The following EMID1 variants were observed in gnomAD, a reference collection of about 807,000 sequenced individuals.
The protein encoded by EMID1 is EMI domain containing 1, also known as EMI domain-containing protein 1.
In EMID1, 40 loss-of-function variants were observed where a neutral mutation model predicts 60.6. The observed-to-expected ratio is 0.66, with a 90% CI of 0.51 to 0.86. The LOEUF is 0.86. EMID1 is among the 40% of genes least tolerant of loss of function. The pLI is 0.00. For synonymous variants in EMID1, 242 were observed against 231.0 expected (o/e 1.05, Z -0.43); for missense variants, 585 against 597.1 (o/e 0.98, Z 0.21).
At chr22:29,229,442 G>A (rs992429354) in intron 5 of EMID1, among the ~76,000 whole-genome samples, 1 of 152,078 alleles carries the variant, frequency 6.6e-6, no homozygotes, top group African/African-American at 2.4e-5. Flanking sequence ...TCAGGAGTTC[G>A]AGACCAGCCT....
chr22:29,209,440 G>C (rs1330977706), intron 1 of EMID1, among the ~76,000 whole-genome samples: 1 of 152,164 alleles, frequency 6.6e-6, no homozygotes, highest in African/African-American at 2.4e-5. Context: ...CCACACCCCA[G>C]GGAAGGAAGC....
At chr22:29,231,886 A>C in intron 7 of EMID1, 1 of 566,758 alleles carries the variant, frequency 1.8e-6, no homozygotes, top group East Asian at 3.0e-5. Flanking sequence ...TTCCCTGGGC[A>C]CCTACACTTA....
chr22:29,256,809 C>A lies in EMID1; in HGVS notation c.1205-2008C>A, dbSNP rs112769598. Among the ~76,000 whole-genome samples the A allele has an allele frequency of 2.4e-3, 363 of 152,224 alleles. 1 individual carries two copies. Among genetic ancestry groups the A allele is most frequent in the African/African-American group, 8.3e-3 (345 of 41,536 alleles). On this transcript the variant is annotated intron_variant, in intron 14 of 14. Transcript: ENST00000334018. Reference sequence around the variant, plus strand: ...GAGTGTGCCAGGTGGGGAAGTGGGTCGGGCAGCCTTGAGAGAGTCCTGCCT... The same window carrying A: ...GAGTGTGCCAGGTGGGGAAGTGGGTAGGGCAGCCTTGAGAGAGTCCTGCCT...
intron 8 of EMID1, chr22:29,233,126 TGAAAAGTA>T (rs2040815872): frequency 1.8e-6 from 1 of 549,292 alleles, no homozygotes; most frequent in Non-Finnish European, 3.3e-6. Context: ...GTACAGGCTC[TGAAAAGTA>T]GAAAGTGTTG....
At chr22:29,243,138 C>T in intron 12 of EMID1, among the ~76,000 whole-genome samples, 1 of 98,378 alleles carries the variant, frequency 1.0e-5, no homozygotes, top group East Asian at 2.5e-4. Flanking sequence ...AAACTTTCTG[C>T]TTGAGCTCTT....
At chr22:29,238,335 C>A (rs551189472) in intron 12 of EMID1, among the ~76,000 whole-genome samples, 1 of 137,836 alleles carries the variant, frequency 7.3e-6, no homozygotes, top group Admixed American at 7.1e-5. Context: ...ACCTCAGAAG[C>A]CTTGAGGCTT....
At position 29,231,853 on chromosome 22, in the gene EMID1, T is replaced by C. The variant is rs1174278404; in HGVS notation, c.676+171T>C. 1.1e-5 allele frequency: 7 copies of C among 614,818 alleles called. No individual in the cohort carries two copies. The East Asian group carries it at 2.1e-4, about 18-fold the overall frequency. The allele number at this position is 614,818 out of a possible 1,614,324, so 38.1% of individuals were successfully genotyped here. The stretch of plus-strand genomic sequence containing the variant: ...CCCACGCCTGGGCTCCATGAAGTCC[T>C]CTCTTATGTTCACTGACCCACATTC... On this transcript the variant is annotated intron_variant, in intron 7 of 14. Transcript: ENST00000334018.
In EMID1 at chr22:29,226,536, G is replaced by A. The variant is rs139650390; in HGVS notation, c.450G>A (p.Lys150=). 21 of 1,611,998 alleles carry A rather than the reference G, an allele frequency of 1.3e-5. No individual in the cohort carries two copies. In the African/African-American group the frequency reaches 2.5e-4, roughly 19 times the overall value. ...TGTCAGAGCTGACAGAGCGGCTGAA[G>A]GTGCTGGAGGCCAAGGTGGGTGAGC... The part of the protein sequence containing the change: ...SKVSELTERL[K]VLEAKMTMLT... The change falls in exon 5 of 15, where the codon AAG becomes AAA. Residue 150 remains lysine, a synonymous_variant. Coordinates refer to ENST00000334018, the MANE Select transcript of EMID1 (RefSeq NM_133455.4).
intron 3 of EMID1, chr22:29,216,469 C>A (rs2040085874): frequency 1.0e-6 from 1 of 985,360 alleles, no homozygotes; most frequent in Non-Finnish European, 1.2e-6. Context: ...ATCCTGAGAA[C>A]CAGGCCCAGA....
intron 4 of EMID1, 27 bp downstream of exon 4, chr22:29,225,243 TC>T: frequency 6.2e-7 from 1 of 1,610,800 alleles, no homozygotes; most frequent in Non-Finnish European, 8.5e-7. Flanking sequence ...CTTCTTGAGG[TC>T]CCCCTGGGCT....
chr22:29,241,717 G>A (rs1007686596), intron 12 of EMID1, among the ~76,000 whole-genome samples: 3 of 151,662 alleles, frequency 2.0e-5, no homozygotes, highest in Non-Finnish European at 4.4e-5. Flanking sequence ...TACATGCCAG[G>A]TTGGAACCCA....
At chr22:29,250,185 A>G (rs1468913438) in intron 13 of EMID1, among the ~76,000 whole-genome samples, 2 of 152,188 alleles carry the variant, frequency 1.3e-5, no homozygotes, top group Admixed American at 1.3e-4. Flanking sequence ...GAGTCCTGAA[A>G]GTCAAGGCTA....
intron 1 of EMID1, among the ~76,000 whole-genome samples, chr22:29,209,571 C>T (rs2039805572): frequency 1.3e-5 from 2 of 152,142 alleles, no homozygotes; most frequent in African/African-American, 4.8e-5. Context: ...ATTCAACAAA[C>T]ATCGCTGAGC....
chr22:29,209,642 G>A (rs375516730), intron 1 of EMID1, among the ~76,000 whole-genome samples: 2 of 152,166 alleles, frequency 1.3e-5, no homozygotes, highest in African/African-American at 2.4e-5. Context: ...CAGCACCTGC[G>A]TGAGTGAGTA....
At chr22:29,245,887 A>C (rs1313175009) in intron 13 of EMID1, among the ~76,000 whole-genome samples, 2 of 152,206 alleles carry the variant, frequency 1.3e-5, no homozygotes, top group Non-Finnish European at 1.5e-5. Flanking sequence ...TCCTAGGGCC[A>C]GAGAACCAGC....
rs369751814 is a variant in EMID1 at position 29,231,590 on chromosome 22, C to T, written c.587-3C>T. Reference sequence around the variant, plus strand: ...TGCCAGTCTGATATGCTTTACCCCCCAGACCAAGTCGGTGCTTGGGGGCTT... The same window carrying T: ...TGCCAGTCTGATATGCTTTACCCCCTAGACCAAGTCGGTGCTTGGGGGCTT... On this transcript the variant is annotated splice_region_variant and splice_polypyrimidine_tract_variant and intron_variant, in intron 6 of 14. Transcript: ENST00000334018. The T allele has an allele frequency of 6.5e-7, 1 of 1,543,624 alleles. No homozygotes were observed. The highest frequency in any genetic ancestry group is 8.8e-7 in the Non-Finnish European group (1 of 1,142,660).
At chr22:29,219,098 G>A (rs1251707044) in intron 3 of EMID1, among the ~76,000 whole-genome samples, 1 of 152,214 alleles carries the variant, frequency 6.6e-6, no homozygotes, top group African/African-American at 2.4e-5. Flanking sequence ...GAGGCTCAGA[G>A]AGGGGAATGC....
At chr22:29,258,146 C>G (rs1004615121) in intron 14 of EMID1, among the ~76,000 whole-genome samples, 1 of 152,184 alleles carries the variant, frequency 6.6e-6, no homozygotes, top group Non-Finnish European at 1.5e-5. Flanking sequence ...TCCATCTCCC[C>G]CTAGAAAAAC....
intron 14 of EMID1, 109 bp from the exon 15 acceptor site, chr22:29,258,708 A>C: frequency 6.8e-7 from 1 of 1,476,888 alleles, no homozygotes; most frequent in Non-Finnish European, 9.0e-7. Flanking sequence ...AGGGTGGATT[A>C]TACCTGGCAG....
Sources: gnomAD v4.1 joint callset for allele counts (sites outside exome capture counted in the v4.1 genomes callset) on GRCh38, gnomAD v4.1.1 for gene constraint, MANE v1.5 for transcripts, NCBI Gene and HGNC (gene_info 2026-07-23, HGNC 2026-07-21) for gene names.